The following SYT1 variants were observed in gnomAD, a reference collection of about 807,000 sequenced individuals.
SYT1 encodes the protein synaptotagmin 1, also known as synaptotagmin-1.
Under a neutral mutation model 44.8 loss-of-function variants are expected in SYT1, and 8 were observed. That is an observed-to-expected ratio of 0.18 (90% confidence interval 0.10 to 0.32). The LOEUF is 0.32. Among genes scored for constraint, SYT1 ranks in the 10% least tolerant of loss-of-function variants. SYT1 has a pLI of 1.00. For synonymous variants in SYT1, 154 were observed against 188.8 expected, an observed-to-expected ratio of 0.82 and a Z score of 1.51; for missense variants, 286 against 509.3, an observed-to-expected ratio of 0.56 and a Z score of 4.22.
intron 8 of SYT1, among the ~76,000 whole-genome samples, chr12:79,302,215 G>C (rs2138889736): frequency 6.6e-6 from 1 of 152,218 alleles, no homozygotes; most frequent in East Asian, 1.9e-4. Flanking sequence ...TATTTTTAAT[G>C]TCATAATGAG....
chr12:79,056,786 A>C (rs1874980381), intron 3 of SYT1, among the ~76,000 whole-genome samples: 1 of 152,084 alleles, frequency 6.6e-6, no homozygotes, highest in Non-Finnish European at 1.5e-5. Context: ...CTTTTACCAA[A>C]GAAATCTCAG....
chr12:79,043,388 C>G (rs1424501587), intron 2 of SYT1, among the ~76,000 whole-genome samples: 4 of 149,928 alleles, frequency 2.7e-5, no homozygotes, highest in Non-Finnish European at 5.9e-5. Flanking sequence ...TAATGGCCTT[C>G]TTTGTCTCTT....
At chr12:79,105,094 A>T (rs570513164) in intron 3 of SYT1, among the ~76,000 whole-genome samples, 4 of 152,194 alleles carry the variant, frequency 2.6e-5, no homozygotes, top group Non-Finnish European at 4.4e-5. Flanking sequence ...TACAATTCAA[A>T]ACACATAGAG....
chr12:79,425,939 G>C (rs959103779), intron 9 of SYT1, among the ~76,000 whole-genome samples: 14 of 152,042 alleles, frequency 9.2e-5, no homozygotes, highest in African/African-American at 3.4e-4. Context: ...GCCCATAAAT[G>C]GTAGCTCCTC....
intron 2 of SYT1, among the ~76,000 whole-genome samples, chr12:79,009,888 G>C (rs1257288190): frequency 6.6e-6 from 1 of 152,084 alleles, no homozygotes; most frequent in Non-Finnish European, 1.5e-5. Flanking sequence ...TAGCACAGAC[G>C]GCATCCTCTA....
chr12:79,156,471 CTTG>C lies in SYT1; in HGVS notation c.-17-61017_-17-61015del, dbSNP rs996787500. 2.2e-4 allele frequency among the ~76,000 whole-genome samples: 33 copies of C among 147,746 alleles called. No individual in the cohort carries two copies. The East Asian group carries it at 3.5e-3, about 16-fold the overall frequency. On this transcript the variant is annotated intron_variant, in intron 3 of 10. Transcript: ENST00000261205. ...TGTTGTTGTTGTTGTTGTTGTTGTT[CTTG>C]TTGTTGTTGTTGTTATGGAGTCTCG...
chr12:79,039,606 T>G (rs1299850470), intron 2 of SYT1, among the ~76,000 whole-genome samples: 4 of 148,934 alleles, frequency 2.7e-5, no homozygotes, highest in African/African-American at 9.8e-5. Flanking sequence ...TTTTTATTTT[T>G]TATTTATTTT....
At chr12:79,180,319 A>G (rs904165378) in intron 3 of SYT1, among the ~76,000 whole-genome samples, 5 of 152,098 alleles carry the variant, frequency 3.3e-5, no homozygotes, top group African/African-American at 1.2e-4. Flanking sequence ...TCCAAACTCA[A>G]ATTTAGATTT....
chr12:79,141,367 T>C (rs1332990235), intron 3 of SYT1, among the ~76,000 whole-genome samples: 1 of 152,122 alleles, frequency 6.6e-6, no homozygotes, highest in African/African-American at 2.4e-5. Context: ...GTACAAATAA[T>C]GCGTATTTGT....
chr12:79,074,655 C>G (rs563433693), intron 3 of SYT1, among the ~76,000 whole-genome samples: 1 of 152,172 alleles, frequency 6.6e-6, no homozygotes, highest in Admixed American at 6.5e-5. Context: ...ATGTCAGCCT[C>G]TCAGACTCCT....
At chr12:79,094,500 A>G (rs1398305531) in intron 3 of SYT1, among the ~76,000 whole-genome samples, 1 of 151,898 alleles carries the variant, frequency 6.6e-6, no homozygotes, top group African/African-American at 2.4e-5. Context: ...ATAAACATAT[A>G]CAAACATACA....
At chr12:79,330,310 G>A (rs527412786) in intron 8 of SYT1, among the ~76,000 whole-genome samples, 4 of 152,326 alleles carry the variant, frequency 2.6e-5, no homozygotes, top group African/African-American at 9.6e-5. Flanking sequence ...GAATCTGGCT[G>A]TGAACACTTG....
chr12:79,422,879 C>T lies in SYT1; in HGVS notation c.929-21194C>T, dbSNP rs373645635. 2.6e-5 allele frequency among the ~76,000 whole-genome samples: 4 copies of T among 152,174 alleles called. No individual in the cohort carries two copies. The South Asian group carries it at 8.3e-4, about 32-fold the overall frequency. On this transcript the variant is annotated intron_variant, in intron 9 of 10. Transcript: ENST00000261205. ...AAGTAAGCTGTGTGAACAAATGAGA[C>T]GATTCCCCTTTCTAATGAGTTTATA...
intron 1 of SYT1, among the ~76,000 whole-genome samples, chr12:78,961,796 C>T (rs1879519143): frequency 6.6e-6 from 1 of 151,928 alleles, no homozygotes; most frequent in African/African-American, 2.4e-5. Flanking sequence ...ACATGGTATC[C>T]TTTTCTTTTC....
intron 8 of SYT1, among the ~76,000 whole-genome samples, chr12:79,324,786 GC>G (rs1282383372): frequency 6.6e-6 from 1 of 151,454 alleles, no homozygotes; most frequent in African/African-American, 2.4e-5. Context: ...AAAAAAAAAA[GC>G]TTTTTGTGAA....
rs1179084988 is a variant in SYT1, at chr12:79,431,354, A to AT, written c.929-12713dup. Among the ~76,000 whole-genome samples, 14 of 152,150 alleles carry AT rather than the reference A, an allele frequency of 9.2e-5. No homozygotes were observed. The East Asian group carries it at 2.5e-3, about 27-fold the overall frequency. ...ATCAGTGTATACAAAATATTATTGTATTTTTTACTGAGATCTGAAATACGA... is the reference window on the plus strand; with the variant it reads ...ATCAGTGTATACAAAATATTATTGTATTTTTTTACTGAGATCTGAAATACGA... On this transcript the variant is annotated intron_variant, in intron 9 of 10. Transcript: ENST00000261205.
chr12:79,370,656 A>G (rs2701565), intron 9 of SYT1, among the ~76,000 whole-genome samples: 71,432 of 151,806 alleles, frequency 0.47, 19,761 homozygotes, highest in African/African-American at 0.76. Flanking sequence ...CCAGCTACTC[A>G]GGAGGCTGAG....
At chr12:79,290,729 G>T (rs1363511098) in intron 5 of SYT1, among the ~76,000 whole-genome samples, 1 of 151,994 alleles carries the variant, frequency 6.6e-6, no homozygotes, top group Non-Finnish European at 1.5e-5. Context: ...CCTAAAACCA[G>T]GAGACAATAA....
intron 2 of SYT1, among the ~76,000 whole-genome samples, chr12:79,003,956 G>A (rs1035877908): frequency 6.6e-6 from 1 of 151,896 alleles, no homozygotes; most frequent in African/African-American, 2.4e-5. Flanking sequence ...ACAGCCATGA[G>A]CAGAACCATA....
Sources: gnomAD v4.1 joint callset for allele counts (sites outside exome capture counted in the v4.1 genomes callset) on GRCh38, gnomAD v4.1.1 for gene constraint, MANE v1.5 for transcripts, NCBI Gene and HGNC (gene_info 2026-07-23, HGNC 2026-07-21) for gene names.